Variants in ST18 observed in about 807,000 individuals in gnomAD.
ST18 encodes suppression of tumorigenicity 18 protein.
Under a neutral mutation model 110.0 loss-of-function variants are expected in ST18, and 50 were observed. The observed-to-expected ratio is 0.45, with a 90% CI of 0.36 to 0.58. The LOEUF is 0.58. ST18 is among the 20% of genes least tolerant of loss of function. The pLI is 0.00. For missense variants in ST18, 1,306 were observed against 1,280.1 expected, an observed-to-expected ratio of 1.02 and a Z score of -0.31; for synonymous variants, 461 against 452.4, an observed-to-expected ratio of 1.02 and a Z score of -0.24.
At chr8:52,283,540 A>T (rs2095420785) in intron 2 of ST18, among the ~76,000 whole-genome samples, 1 of 152,090 alleles carries the variant, frequency 6.6e-6, no homozygotes, top group African/African-American at 2.4e-5. Context: ...AAAAAGAAAG[A>T]CACTTCCAGA....
chr8:52,302,733 A>G (rs763181840), intron 2 of ST18, among the ~76,000 whole-genome samples: 19 of 152,230 alleles, frequency 1.2e-4, no homozygotes, highest in Non-Finnish European at 2.9e-5. Flanking sequence ...CAATTTGAGC[A>G]TCAACATAAA....
intron 25 of ST18, among the ~76,000 whole-genome samples, chr8:52,114,934 A>C (rs11987380): frequency 0.023 from 3,547 of 152,330 alleles, 131 homozygotes; most frequent in African/African-American, 0.082. Context: ...CCTGTTTTTT[A>C]TGGCAGTGGT....
At chr8:52,242,580 T>C (rs1050213834) in intron 2 of ST18, among the ~76,000 whole-genome samples, 1 of 152,220 alleles carries the variant, frequency 6.6e-6, no homozygotes, top group African/African-American at 2.4e-5. Flanking sequence ...GGCCCATGCC[T>C]GTAATCCCAG....
intron 2 of ST18, among the ~76,000 whole-genome samples, chr8:52,333,784 C>G (rs1189831221): frequency 6.6e-6 from 1 of 152,194 alleles, no homozygotes; most frequent in African/African-American, 2.4e-5. Context: ...AAGTATGGCT[C>G]TCTTGCTACT....
intron 19 of ST18, among the ~76,000 whole-genome samples, chr8:52,135,491 C>CGGA (rs986834593): frequency 6.8e-5 from 9 of 132,886 alleles, no homozygotes; most frequent in African/African-American, 2.6e-4. Flanking sequence ...ACCTGGGAGG[C>CGGA]GGAGGTTGCA....
At chr8:52,132,237 C>G (rs1447462408) in intron 21 of ST18, 58 bp from the exon 22 acceptor site, 2 of 1,406,142 alleles carry the variant, frequency 1.4e-6, no homozygotes, top group South Asian at 2.7e-5. Context: ...GTCCTATGCT[C>G]TCCAGAGAAC....
At chr8:52,304,750 A>T (rs181173309) in intron 2 of ST18, among the ~76,000 whole-genome samples, 1 of 152,270 alleles carries the variant, frequency 6.6e-6, no homozygotes, top group Non-Finnish European at 1.5e-5. Context: ...AAAGTTCAAG[A>T]TCAAGCTCCT....
chr8:52,210,022 G>A (rs969899914), intron 8 of ST18: 12 of 454,692 alleles, frequency 2.6e-5, no homozygotes, highest in East Asian at 7.0e-5. Flanking sequence ...TTCAAGAAAC[G>A]TCACTACCTT....
intron 10 of ST18, among the ~76,000 whole-genome samples, chr8:52,167,591 G>T (rs936104649): frequency 6.6e-6 from 1 of 152,306 alleles, no homozygotes; most frequent in East Asian, 1.9e-4. Context: ...ACACCCCCAC[G>T]GGTTGCCACT....
intron 16 of ST18, among the ~76,000 whole-genome samples, chr8:52,145,905 T>C (rs543885919): frequency 5.9e-5 from 9 of 152,282 alleles, no homozygotes; most frequent in African/African-American, 2.2e-4. Context: ...TTCGAGATAT[T>C]TTGAGTTTTT....
At chr8:52,389,449 G>A (rs577948019) in intron 2 of ST18, among the ~76,000 whole-genome samples, 7 of 152,172 alleles carry the variant, frequency 4.6e-5, no homozygotes, top group Non-Finnish European at 7.3e-5. Flanking sequence ...CGGAATGCAC[G>A]ACCCCATCGT....
chr8:52,148,373 G>A (rs1355082317), intron 16 of ST18, among the ~76,000 whole-genome samples: 1 of 152,142 alleles, frequency 6.6e-6, no homozygotes, highest in Non-Finnish European at 1.5e-5. Context: ...TCCATGTGAT[G>A]GCTTGAGTGG....
intron 2 of ST18, among the ~76,000 whole-genome samples, chr8:52,373,761 G>A (rs539156628): frequency 6.6e-6 from 1 of 152,096 alleles, no homozygotes; most frequent in East Asian, 1.9e-4. Flanking sequence ...CAACTCTGTT[G>A]CCTCTCCCTC....
At chr8:52,178,104 C>G (rs1418551637) in intron 9 of ST18, among the ~76,000 whole-genome samples, 3 of 152,090 alleles carry the variant, frequency 2.0e-5, no homozygotes, top group African/African-American at 7.2e-5. Flanking sequence ...TGGTTCATAT[C>G]AAACATGTAC....
chr8:52,355,317 G>A (rs1462608964), intron 2 of ST18, among the ~76,000 whole-genome samples: 2 of 152,164 alleles, frequency 1.3e-5, no homozygotes, highest in East Asian at 1.9e-4. Flanking sequence ...TCTAATGGCC[G>A]TGAACCTACC....
intron 16 of ST18, among the ~76,000 whole-genome samples, chr8:52,146,140 C>T (rs2057185852): frequency 1.3e-5 from 2 of 152,092 alleles, no homozygotes; most frequent in African/African-American, 4.8e-5. Context: ...GGAGCAGGGA[C>T]ATAACCATAT....
At chr8:52,266,013 G>C (rs1195637503) in intron 2 of ST18, among the ~76,000 whole-genome samples, 1 of 152,344 alleles carries the variant, frequency 6.6e-6, no homozygotes, top group East Asian at 1.9e-4. Context: ...CGTTGATTAA[G>C]AAGGAACACG....
intron 2 of ST18, among the ~76,000 whole-genome samples, chr8:52,337,843 C>T (rs1001850668): frequency 1.3e-5 from 2 of 152,140 alleles, no homozygotes; most frequent in African/African-American, 4.8e-5. Flanking sequence ...TGAAGAATGG[C>T]TGTGTGAATA....
At chr8:52,275,433 T>A (rs1371996248) in intron 2 of ST18, among the ~76,000 whole-genome samples, 2 of 152,222 alleles carry the variant, frequency 1.3e-5, no homozygotes, top group Non-Finnish European at 2.9e-5. Context: ...AGCGATTTTG[T>A]CTCAGGGCAT....
Sources: allele counts gnomAD v4.1 joint callset (sites outside exome capture counted in the v4.1 genomes callset), GRCh38; gene constraint gnomAD v4.1.1; transcripts MANE v1.5; gene names NCBI Gene and HGNC (gene_info 2026-07-23, HGNC 2026-07-21).